The following TLR10 variants were observed in gnomAD, a reference collection of about 807,000 sequenced individuals.
TLR10 encodes the protein toll-like receptor 10.
For synonymous variants in TLR10, 288 were observed against 338.8 expected (o/e 0.85, Z 1.65); for missense variants, 929 against 932.9 (o/e 1.00, Z 0.05).
In TLR10 at chr4:38,775,667, A is replaced by G. The variant is rs1725019172; in HGVS notation, c.-62-15T>C. On this transcript the variant is annotated splice_polypyrimidine_tract_variant and intron_variant, in intron 3 of 3. Transcript: ENST00000308973. ...AGCTCAAAACCCTAAAAAAAAGTAT[A>G]TAATATTAGATTTTTATTTGGTTTG... 2.3e-6 allele frequency: 3 copies of G among 1,327,458 alleles called. No homozygotes were observed. The highest frequency in any genetic ancestry group is 3.0e-6 in the Non-Finnish European group (3 of 989,252). 82.2% of individuals were successfully genotyped at this position (1,327,458 alleles called of 1,614,324 possible).
At chr4:38,775,735 T>C (rs1725023075) in intron 3 of TLR10, 40 bp downstream of exon 3, 1 of 766,480 alleles carries the variant, frequency 1.3e-6, no homozygotes, top group Non-Finnish European at 2.0e-6. Flanking sequence ...AATGCCAACA[T>C]CTGACTACAT....
intron 1 of TLR10, among the ~76,000 whole-genome samples, chr4:38,778,659 G>T (rs540967440): frequency 2.0e-5 from 3 of 152,112 alleles, no homozygotes; most frequent in Admixed American, 6.5e-5. Flanking sequence ...CTCTCTGAAG[G>T]CACCAAGAGC....
At position 38,773,756 on chromosome 4, in the gene TLR10, T is replaced by C. The variant is rs754066481; in HGVS notation, c.1835A>G (p.Gln612Arg). Residue 612 changes from glutamine (Q) to arginine (R), a missense_variant, in exon 4 of 4, where the codon CAA (glutamine) becomes CGA (arginine). Physicochemically the swap from Gln to Arg is conservative, Grantham distance 43 (BLOSUM62 1). Transcript: ENST00000308973. ...AACCCTGTGCCATGTTTGTGTGCAT[T>C]GACCTAGCATCCTGAGATACCAGGG... Reference protein sequence around the residue: ...DLPWYLRMLGQCTQTWHRVRK... With the variant: ...DLPWYLRMLGRCTQTWHRVRK... The C allele has an allele frequency of 3.1e-6, 5 of 1,612,792 alleles. No individual in the cohort carries two copies. In the South Asian group the frequency reaches 4.4e-5, roughly 14 times the overall value.
Position 38,776,244 on chromosome 4 carries a change from C to A in TLR10, c.-386G>T. On this transcript the variant is annotated 5_prime_UTR_variant, in exon 2 of 4. The change creates a premature stop within an existing upstream ORF in the 5' untranslated region. Transcript: ENST00000308973. ...TAGTATTAATGTTGAAAAACAATTT[C>A]CAGGTGTGACATGTTGCCAGCTTCT... 1 of 218,790 alleles carries A rather than the reference C, an allele frequency of 4.6e-6. No individual in the cohort carries two copies. Among genetic ancestry groups the A allele is most frequent in the South Asian group, 8.4e-5 (1 of 11,888 alleles). 13.6% of individuals were successfully genotyped at this position (218,790 alleles called of 1,614,324 possible). A position where few individuals can be genotyped will look rare whatever the true frequency, so the allele number is the denominator to read the frequency against.
In TLR10 at chr4:38,773,092, G is replaced by T; in HGVS notation, c.*63C>A. 2 of 1,367,518 alleles carry T rather than the reference G, an allele frequency of 1.5e-6. No individual in the cohort carries two copies. Among genetic ancestry groups the T allele is most frequent in the Admixed American group, 2.7e-5 (1 of 36,930 alleles). 84.7% of individuals were successfully genotyped at this position (1,367,518 alleles called of 1,614,324 possible). A position where few individuals can be genotyped will look rare whatever the true frequency, so the allele number is the denominator to read the frequency against. ...AATATTGTCAAATTGCCATCATAAA[G>T]GTTGTATCAATGTACATCCCAACAG... On this transcript the variant is annotated 3_prime_UTR_variant, in exon 4 of 4. Coordinates refer to ENST00000308973, the MANE Select transcript of TLR10 (RefSeq NM_030956.4).
chr4:38,779,557 T>C (rs1725269575), intron 1 of TLR10, among the ~76,000 whole-genome samples: 1 of 152,236 alleles, frequency 6.6e-6, no homozygotes, highest in Non-Finnish European at 1.5e-5. Flanking sequence ...TGAACTGTTA[T>C]ATATTTAAGA....
At position 38,774,794 on chromosome 4, in the gene TLR10, A is replaced by G. The variant is rs1266345029; in HGVS notation, c.797T>C (p.Val266Ala). The part of the protein sequence containing the change: ...WDDLFLILQF[V>A]WHTSVEHFQI... The stretch of plus-strand genomic sequence containing the variant: ...AAAGTGTTCCACTGATGTATGCCAA[A>G]CAAATTGTAAGATAAGGAAAAGGTC... Residue 266 changes from valine to alanine, a missense_variant, in exon 4 of 4, where the codon GTT becomes GCT. Physicochemically the swap from Val to Ala is moderately conservative, Grantham distance 64. Coordinates refer to ENST00000308973, the MANE Select transcript of TLR10 (RefSeq NM_030956.4). The G allele has an allele frequency of 1.9e-6, 3 of 1,600,988 alleles. No homozygotes were observed. Among genetic ancestry groups the G allele is most frequent in the Non-Finnish European group, 2.6e-6 (3 of 1,175,280 alleles).
chr4:38,774,173 ATATT>A lies in TLR10; in HGVS notation c.1414_1417del (p.Asn472LeufsTer6), dbSNP rs769048799. The A allele has an allele frequency of 1.2e-6, 2 of 1,611,576 alleles. No homozygotes were observed. Among genetic ancestry groups the A allele is most frequent in the Non-Finnish European group, 1.7e-6 (2 of 1,178,744 alleles). ...GAGATCAGTTAGAAAATTAAATGCAATATTTAGTTCTCGTAAGGCCATCAGATGA... is the reference window on the plus strand; with the variant it reads ...GAGATCAGTTAGAAAATTAAATGCAATAGTTCTCGTAAGGCCATCAGATGA... On this transcript the variant is annotated frameshift_variant, in exon 4 of 4. Coordinates refer to ENST00000308973, the MANE Select transcript of TLR10 (RefSeq NM_030956.4). LOFTEE classifies it low-confidence loss of function (END_TRUNC).
Position 38,774,652 on chromosome 4 carries a change from G to A in TLR10, c.939C>T (p.Tyr313=), listed in dbSNP as rs757323304. ...GCAAATAGATTTTATCCTGTTGAAT[G>A]TAAAACACTCTGAAATGTACATGCT... ...KLEHVHFRVF[Y]IQQDKIYLLL... The change falls in exon 4 of 4, where the codon TAC becomes TAT. Residue 313 remains tyrosine, a synonymous_variant. Transcript: ENST00000308973. The A allele has an allele frequency of 2.0e-5, 32 of 1,567,122 alleles. No homozygotes were observed. The highest frequency in any genetic ancestry group is 2.7e-5 in the Non-Finnish European group (31 of 1,162,358).
At chr4:38,780,018 G>A (rs561618475) in intron 1 of TLR10, among the ~76,000 whole-genome samples, 8 of 152,280 alleles carry the variant, frequency 5.3e-5, no homozygotes, top group African/African-American at 1.2e-4. Context: ...TTAGTACAAC[G>A]TGATGCATAA....
Position 38,774,464 on chromosome 4 carries a change from G to C in TLR10, c.1127C>G (p.Thr376Ser). The C allele has an allele frequency of 6.2e-7, 1 of 1,607,550 alleles. No homozygotes were observed. Among genetic ancestry groups the C allele is most frequent in the Non-Finnish European group, 8.5e-7 (1 of 1,178,242 alleles). The change falls in exon 4 of 4, where the codon ACT becomes AGT. Residue 376 changes from threonine (T) to serine (S), a missense_variant. Thr to Ser is a moderately conservative substitution (Grantham distance 58). Coordinates refer to ENST00000308973, the MANE Select transcript of TLR10 (RefSeq NM_030956.4). ...KRTIQLPHLK[T>S]LILNGNKLET... is the part of the protein sequence containing the mutation. Reference sequence around the variant, plus strand: ...CAGTTTATTGCCATTCAAAATGAGAGTTTTCAAGTGAGGCAGTTGGATAGT... The same window carrying C: ...CAGTTTATTGCCATTCAAAATGAGACTTTTCAAGTGAGGCAGTTGGATAGT...
At chr4:38,781,680 C>A (rs1429930466) in intron 1 of TLR10, among the ~76,000 whole-genome samples, 1 of 152,192 alleles carries the variant, frequency 6.6e-6, no homozygotes, top group Non-Finnish European at 1.5e-5. Context: ...CAAAAGACAT[C>A]ATCAAATGAC....
At chr4:38,780,952 G>A (rs1401047199) in intron 1 of TLR10, among the ~76,000 whole-genome samples, 2 of 152,024 alleles carry the variant, frequency 1.3e-5, no homozygotes, top group African/African-American at 4.8e-5. Flanking sequence ...TTAGAGCCAT[G>A]GCCCCTTAAG....
rs112926120 is a variant in TLR10 at position 38,778,418 on chromosome 4, A to T, written c.-568-1992T>A. On this transcript the variant is annotated intron_variant, in intron 1 of 3. Coordinates refer to ENST00000308973, the MANE Select transcript of TLR10 (RefSeq NM_030956.4). ...GCACGTTCCGCACATGTACCCCAGA[A>T]CTTACAGTATAAAATAAATAAATAA... Among the ~76,000 whole-genome samples the T allele has an allele frequency of 2.2e-3, 323 of 145,022 alleles. 3 individuals are homozygous for T. The highest frequency in any genetic ancestry group is 7.4e-3 in the African/African-American group (294 of 39,690).
intron 1 of TLR10, among the ~76,000 whole-genome samples, chr4:38,778,449 TAAACAAACAAAC>T: frequency 6.6e-6 from 1 of 151,806 alleles, no homozygotes; most frequent in African/African-American, 2.4e-5. Flanking sequence ...AATAAATAAA[TAAACAAACAAAC>T]AAATAAAAAG....
intron 1 of TLR10, among the ~76,000 whole-genome samples, chr4:38,782,688 C>T (rs963557953): frequency 1.3e-5 from 2 of 152,110 alleles, no homozygotes; most frequent in African/African-American, 4.8e-5. Context: ...AGGTTTGATC[C>T]GCAATCAGTG....
At chr4:38,778,888 G>A (rs920784517) in intron 1 of TLR10, 4 of 152,214 alleles carry the variant, frequency 2.6e-5, no homozygotes, top group African/African-American at 9.7e-5. Context: ...CAGTGGGCAC[G>A]CCCATCCACA....
chr4:38,781,298 G>A (rs949627894), intron 1 of TLR10, among the ~76,000 whole-genome samples: 2 of 151,760 alleles, frequency 1.3e-5, no homozygotes, highest in Non-Finnish European at 2.9e-5. Context: ...GAGCCACTGT[G>A]CTTGGCCTCA....
chr4:38,774,949 T>C lies in TLR10; in HGVS notation c.642A>G (p.Ser214=). The change falls in exon 4 of 4, where the codon TCA becomes TCG. Residue 214 remains serine, a synonymous_variant. Transcript: ENST00000308973. ...WVLLRDGIKT[S]KILEMTNIDG... ...CTATATTTGTCATTTCTAATATTTT[T>C]GAAGTCTTGATTCCATCACGCAAAA... is the stretch of plus-strand genomic sequence containing the variant. The C allele has an allele frequency of 1.2e-6, 2 of 1,613,248 alleles. No individual in the cohort carries two copies. Among genetic ancestry groups the C allele is most frequent in the South Asian group, 1.1e-5 (1 of 90,660 alleles).
Sources: gnomAD v4.1 joint callset for allele counts (sites outside exome capture counted in the v4.1 genomes callset) on GRCh38, gnomAD v4.1.1 for gene constraint, MANE v1.5 for transcripts, NCBI Gene and HGNC (gene_info 2026-07-23, HGNC 2026-07-21) for gene names.